Variants in EPHA3 observed in about 807,000 individuals in gnomAD.
The protein encoded by EPHA3 is ephrin type-A receptor 3.
Under a neutral mutation model 107.1 loss-of-function variants are expected in EPHA3, and 42 were observed. The observed-to-expected ratio is 0.39, with a 90% CI of 0.31 to 0.51. The LOEUF is 0.51. Among genes scored for constraint, EPHA3 ranks in the 20% least tolerant of loss-of-function variants. The pLI is 0.78. For synonymous variants in EPHA3, 461 were observed against 424.8 expected, an observed-to-expected ratio of 1.09 and a Z score of -1.05; for missense variants, 1,183 against 1,211.2, an observed-to-expected ratio of 0.98 and a Z score of 0.35.
chr3:89,382,500 T>A (rs9825569), intron 5 of EPHA3, among the ~76,000 whole-genome samples: 1 of 146,640 alleles, frequency 6.8e-6, no homozygotes. Flanking sequence ...AGAGCAAAAA[T>A]TCCATCTCAA....
intron 2 of EPHA3, among the ~76,000 whole-genome samples, chr3:89,207,224 C>A (rs577508243): frequency 1.3e-5 from 2 of 152,090 alleles, no homozygotes; most frequent in Non-Finnish European, 2.9e-5. Context: ...TTTGTAATTA[C>A]CGACAATTTA....
chr3:89,429,518 T>C (rs1052951530), intron 12 of EPHA3, among the ~76,000 whole-genome samples: 2 of 152,156 alleles, frequency 1.3e-5, no homozygotes, highest in African/African-American at 4.8e-5. Context: ...CAGTCTGATA[T>C]AATTATTTAA....
chr3:89,413,398 G>A, intron 10 of EPHA3, 132 bp downstream of exon 10: 2 of 1,154,570 alleles, frequency 1.7e-6, no homozygotes, highest in East Asian at 2.4e-5. Flanking sequence ...TAATAAATAA[G>A]TGCAATATTT....
At position 89,391,419 on chromosome 3, in the gene EPHA3, TTC is replaced by T. The variant is rs1477172887; in HGVS notation, c.1307-4416_1307-4415del. ...TTTCTTTTCTTTTCTTTTCTTTCTT[TTC>T]TTTTTTTTTTTTTTTTTGAGATGGA... On this transcript the variant is annotated intron_variant, in intron 5 of 16. Coordinates refer to ENST00000336596, the MANE Select transcript of EPHA3 (RefSeq NM_005233.6). 1.4e-3 allele frequency among the ~76,000 whole-genome samples: 204 copies of T among 144,484 alleles called. 6 individuals are homozygous for T. The highest frequency in any genetic ancestry group is 5.4e-3 in the African/African-American group (199 of 36,814). 94.8% of individuals were successfully genotyped at this position (144,484 alleles called of 152,430 possible). A position where few individuals can be genotyped will look rare whatever the true frequency, so the allele number is the denominator to read the frequency against.
intron 3 of EPHA3, among the ~76,000 whole-genome samples, chr3:89,238,105 T>G (rs75894958): frequency 0.017 from 2,599 of 152,300 alleles, 50 homozygotes; most frequent in African/African-American, 0.054. Context: ...TGGGACATTT[T>G]AGAGAACAGC....
At chr3:89,373,767 T>C (rs1307756944) in intron 5 of EPHA3, among the ~76,000 whole-genome samples, 1 of 151,906 alleles carries the variant, frequency 6.6e-6, no homozygotes, top group Non-Finnish European at 1.5e-5. Flanking sequence ...CACTTCACTT[T>C]CCATCCTGGA....
At chr3:89,216,896 G>A (rs367929356) in intron 3 of EPHA3, among the ~76,000 whole-genome samples, 10 of 152,046 alleles carry the variant, frequency 6.6e-5, no homozygotes, top group Admixed American at 2.0e-4. Context: ...TTCTTCCAGC[G>A]TAAGGAGAAT....
intron 1 of EPHA3, among the ~76,000 whole-genome samples, chr3:89,122,565 T>TA (rs369498895): frequency 1.3e-5 from 2 of 152,208 alleles, no homozygotes; most frequent in Admixed American, 1.3e-4. Flanking sequence ...CATTTAATTT[T>TA]AAAAACCTTT....
intron 1 of EPHA3, among the ~76,000 whole-genome samples, chr3:89,123,009 C>A (rs1277390106): frequency 1.3e-5 from 2 of 152,110 alleles, no homozygotes; most frequent in Non-Finnish European, 2.9e-5. Context: ...ATCTTAATCC[C>A]ACAATCCAAA....
intron 3 of EPHA3, among the ~76,000 whole-genome samples, chr3:89,211,508 T>C (rs1241545280): frequency 6.6e-6 from 1 of 152,104 alleles, no homozygotes; most frequent in African/African-American, 2.4e-5. Context: ...TCTGGTGTTC[T>C]ACTCCTGATC....
At chr3:89,439,722 G>T (rs1393060447) in intron 13 of EPHA3, among the ~76,000 whole-genome samples, 1 of 131,830 alleles carries the variant, frequency 7.6e-6, no homozygotes, top group Non-Finnish European at 1.6e-5. Flanking sequence ...CTCATATTAA[G>T]GCACACACAC....
intron 2 of EPHA3, among the ~76,000 whole-genome samples, chr3:89,205,187 C>A (rs1706069847): frequency 6.6e-6 from 1 of 152,132 alleles, no homozygotes; most frequent in South Asian, 2.1e-4. Context: ...GAAGTGTAAA[C>A]TTCCTCCTCA....
chr3:89,110,880 C>T (rs1707089588), intron 1 of EPHA3, among the ~76,000 whole-genome samples: 1 of 152,004 alleles, frequency 6.6e-6, no homozygotes, highest in South Asian at 2.1e-4. Context: ...TTTCTTTAAA[C>T]ACTTTTATAC....
chr3:89,170,107 C>T (rs1162249470), intron 2 of EPHA3, among the ~76,000 whole-genome samples: 2 of 151,872 alleles, frequency 1.3e-5, no homozygotes, highest in Admixed American at 1.3e-4. Context: ...AAAAATTAGC[C>T]GGGCGTGGTG....
intron 11 of EPHA3, among the ~76,000 whole-genome samples, chr3:89,419,877 G>C (rs950732242): frequency 6.6e-6 from 1 of 151,254 alleles, no homozygotes; most frequent in African/African-American, 2.4e-5. Flanking sequence ...TGTACAGATT[G>C]GAATCACAAT....
chr3:89,234,571 AT>A (rs1346015277), intron 3 of EPHA3, among the ~76,000 whole-genome samples: 1 of 152,154 alleles, frequency 6.6e-6, no homozygotes, highest in East Asian at 1.9e-4. Flanking sequence ...GGGAATATCA[AT>A]TACATCTAGA....
chr3:89,199,466 C>A (rs1246676038), intron 2 of EPHA3, among the ~76,000 whole-genome samples: 1 of 151,982 alleles, frequency 6.6e-6, no homozygotes, highest in Non-Finnish European at 1.5e-5. Context: ...AACTTCTTGA[C>A]AATGGTGAAT....
chr3:89,150,931 C>T (rs1395152026), intron 2 of EPHA3, among the ~76,000 whole-genome samples: 1 of 151,958 alleles, frequency 6.6e-6, no homozygotes, highest in East Asian at 1.9e-4. Context: ...AGCTATGGAT[C>T]ATGCCACTGC....
At chr3:89,147,271 A>G (rs1704582000) in intron 2 of EPHA3, among the ~76,000 whole-genome samples, 2 of 151,840 alleles carry the variant, frequency 1.3e-5, no homozygotes, top group African/African-American at 2.4e-5. Context: ...TGATAGGTAC[A>G]TCAAACTGCC....
Sources: allele counts gnomAD v4.1 joint callset (sites outside exome capture counted in the v4.1 genomes callset), GRCh38; gene constraint gnomAD v4.1.1; transcripts MANE v1.5; gene names NCBI Gene and HGNC (gene_info 2026-07-23, HGNC 2026-07-21).